RASSF3: variants seen among roughly 807,000 people sequenced by gnomAD.
RASSF3 encodes ras association domain-containing protein 3.
In RASSF3, 19 loss-of-function variants were observed where a neutral mutation model predicts 19.9. The observed-to-expected ratio is 0.96, with a 90% CI of 0.67 to 1.40. The LOEUF (loss-of-function observed/expected upper bound fraction) is 1.40, where lower values mean the gene tolerates loss of function less well. Among genes scored for constraint, RASSF3 ranks in the 40% most tolerant of loss-of-function variants. RASSF3 has a pLI of 0.00. For missense variants in RASSF3, 306 were observed against 289.8 expected (o/e 1.06, Z -0.41); for synonymous variants, 110 against 104.2 (o/e 1.06, Z -0.34).
At chr12:64,535,095 G>GAAAA (rs1868795492) in intron 1 of RASSF3, among the ~76,000 whole-genome samples, 2 of 151,590 alleles carry the variant, frequency 1.3e-5, no homozygotes, top group Non-Finnish European at 2.9e-5. Context: ...AAAAAAAAAG[G>GAAAA]AAAGTACCTT....
rs549258082 is a variant in RASSF3 at position 64,613,989 on chromosome 12, T to C, written c.111+3246T>C. 4.6e-5 allele frequency among the ~76,000 whole-genome samples: 7 copies of C among 152,218 alleles called. No homozygotes were observed. The South Asian group carries it at 6.2e-4, about 14-fold the overall frequency. ...AAAAGATATAAAGGGAACGAACATA[T>C]GACGTTTTGTGGCAGTTTGAATGTC... On this transcript the variant is annotated intron_variant, in intron 1 of 4. Transcript: ENST00000542104.
chr12:64,693,390 T>C (rs1052779260), intron 4 of RASSF3, among the ~76,000 whole-genome samples: 7 of 151,566 alleles, frequency 4.6e-5, no homozygotes, highest in African/African-American at 1.7e-4. Flanking sequence ...CATTCACTGC[T>C]TCTATTTTTT....
intron 2 of RASSF3, among the ~76,000 whole-genome samples, chr12:64,564,957 T>A (rs1046707750): frequency 6.6e-6 from 1 of 151,464 alleles, no homozygotes; most frequent in African/African-American, 2.4e-5. Flanking sequence ...TTGTTTGTAT[T>A]TTTAGTAGAG....
At chr12:64,647,460 G>T (rs1369170812) in intron 1 of RASSF3, among the ~76,000 whole-genome samples, 3 of 149,964 alleles carry the variant, frequency 2.0e-5, no homozygotes, top group Non-Finnish European at 4.4e-5. Context: ...GCCCAGGCTG[G>T]AGTGCAATGG....
At chr12:64,516,427 G>A (rs933334584) in intron 1 of RASSF3, among the ~76,000 whole-genome samples, 2 of 150,280 alleles carry the variant, frequency 1.3e-5, no homozygotes, top group African/African-American at 2.5e-5. Context: ...AGACCATCCC[G>A]ACTAGAACGG....
At chr12:64,674,820 T>C (rs1412121259) in intron 1 of RASSF3, among the ~76,000 whole-genome samples, 1 of 152,128 alleles carries the variant, frequency 6.6e-6, no homozygotes, top group Non-Finnish European at 1.5e-5. Flanking sequence ...TAGCTTGTGC[T>C]GACTGGGTAG....
At chr12:64,516,331 A>T (rs1264969119) in intron 1 of RASSF3, among the ~76,000 whole-genome samples, 2 of 152,242 alleles carry the variant, frequency 1.3e-5, no homozygotes, top group East Asian at 1.9e-4. Flanking sequence ...GGAAAGGAAA[A>T]GATACCGGCC....
chr12:64,624,140 G>A lies in RASSF3; in HGVS notation c.111+13397G>A, dbSNP rs945451290. Among the ~76,000 whole-genome samples, 4 of 151,872 alleles carry A rather than the reference G, an allele frequency of 2.6e-5. 1 individual carries two copies. Among genetic ancestry groups the A allele is most frequent in the South Asian group, 2.1e-4 (1 of 4,830 alleles). On this transcript the variant is annotated intron_variant, in intron 1 of 4. Transcript: ENST00000542104. ...AGAGAATTTGGGCTTATTGTGTAGC[G>A]GAACGAGTACGTTTCATAAAGGCAA...
At chr12:64,604,932 C>A (rs879814445) in intron 2 of RASSF3, among the ~76,000 whole-genome samples, 3 of 151,870 alleles carry the variant, frequency 2.0e-5, no homozygotes, top group African/African-American at 4.8e-5. Context: ...GCCATGTAAC[C>A]AACTCCTATC....
At chr12:64,554,944 T>C (rs1869231729) in intron 2 of RASSF3, among the ~76,000 whole-genome samples, 1 of 152,112 alleles carries the variant, frequency 6.6e-6, no homozygotes, top group South Asian at 2.1e-4. Flanking sequence ...GTTTTATTGT[T>C]TGAAAAAAAA....
chr12:64,595,989 A>G (rs1418875998), intron 2 of RASSF3, among the ~76,000 whole-genome samples: 2 of 152,202 alleles, frequency 1.3e-5, no homozygotes, highest in Non-Finnish European at 2.9e-5. Context: ...CTATCCATAA[A>G]GAAATCACCT....
intron 1 of RASSF3, among the ~76,000 whole-genome samples, chr12:64,636,008 GT>G (rs1283263311): frequency 6.6e-6 from 1 of 152,058 alleles, no homozygotes; most frequent in African/African-American, 2.4e-5. Context: ...TACATTCATT[GT>G]TATTTAAAAA....
chr12:64,578,159 G>T (rs573782611), intron 2 of RASSF3, among the ~76,000 whole-genome samples: 2 of 152,138 alleles, frequency 1.3e-5, no homozygotes, highest in African/African-American at 4.8e-5. Flanking sequence ...GGAGGCGAAG[G>T]TTGCAGTGAG....
rs1565875231 is a variant in RASSF3 at position 64,696,705 on chromosome 12, A to G, written c.*1793A>G. ...TTAAGTTGTTATGCTGTGCCACACA[A>G]TTTACTGAGACAATCATATCTTCCT... On this transcript the variant is annotated 3_prime_UTR_variant, in exon 5 of 5. Coordinates refer to ENST00000542104, the MANE Select transcript of RASSF3 (RefSeq NM_178169.4). 6.6e-6 allele frequency: 1 copy of G among 152,146 alleles called. No homozygotes were observed. Among genetic ancestry groups the G allele is most frequent in the Non-Finnish European group, 1.5e-5 (1 of 68,028 alleles). 9.4% of individuals were successfully genotyped at this position (152,146 alleles called of 1,614,324 possible).
intron 1 of RASSF3, among the ~76,000 whole-genome samples, chr12:64,675,186 G>T (rs1422451541): frequency 6.6e-6 from 1 of 151,656 alleles, no homozygotes; most frequent in Non-Finnish European, 1.5e-5. Context: ...TCACTTCAAT[G>T]AAAAATAAGA....
chr12:64,685,648 G>C (rs1873321134), intron 2 of RASSF3, among the ~76,000 whole-genome samples: 1 of 152,210 alleles, frequency 6.6e-6, no homozygotes, highest in Non-Finnish European at 1.5e-5. Flanking sequence ...CCGGTCGTTA[G>C]TGTAAGACAA....
At chr12:64,564,000 C>A (rs1462956431) in intron 2 of RASSF3, among the ~76,000 whole-genome samples, 2 of 152,202 alleles carry the variant, frequency 1.3e-5, no homozygotes, top group Non-Finnish European at 2.9e-5. Context: ...CCCAGCTGGG[C>A]ATGGAGTGGG....
chr12:64,647,443 C>G (rs531361816), intron 1 of RASSF3, among the ~76,000 whole-genome samples: 1 of 145,614 alleles, frequency 6.9e-6, no homozygotes, highest in East Asian at 2.0e-4. Flanking sequence ...CGGGGTCTTG[C>G]ACTGTTGCCC....
chr12:64,603,746 C>T (rs1870135740), intron 2 of RASSF3, among the ~76,000 whole-genome samples: 1 of 152,220 alleles, frequency 6.6e-6, no homozygotes, highest in African/African-American at 2.4e-5. Flanking sequence ...TTATTACCCT[C>T]CCTTTCCAGA....
Sources: gnomAD v4.1 joint callset for allele counts (sites outside exome capture counted in the v4.1 genomes callset) on GRCh38, gnomAD v4.1.1 for gene constraint, MANE v1.5 for transcripts, NCBI Gene and HGNC (gene_info 2026-07-23, HGNC 2026-07-21) for gene names.